The following GYG1 variants were observed in gnomAD, a reference collection of about 807,000 sequenced individuals.
GYG1 encodes the protein glycogenin 1.
GYG1 carries 44 observed loss-of-function variants against 41.9 expected under a neutral mutation model. The ratio of observed to expected loss-of-function variants is 1.05; its 90% CI spans 0.83 to 1.35. The LOEUF (loss-of-function observed/expected upper bound fraction) is 1.35. Among genes scored for constraint, GYG1 ranks in the 40% most tolerant of loss-of-function variants. The probability of loss-of-function intolerance (pLI) is 0.00; values close to 1 mark genes in which losing one functional copy is unlikely to be tolerated. For missense variants in GYG1, 429 were observed against 418.9 expected (o/e 1.02, Z -0.21); for synonymous variants, 141 against 158.1 (o/e 0.89, Z 0.81).
Position 149,027,774 on chromosome 3 carries a change from G to GT in GYG1, c.*842dup, listed in dbSNP as rs1319131038. On this transcript the variant is annotated 3_prime_UTR_variant, in exon 8 of 8. Coordinates refer to ENST00000345003, the MANE Select transcript of GYG1 (RefSeq NM_004130.4). ...ATTGGGATATATGCTTTAAAAACTG[G>GT]TATCTATGATTTCAATCTAATTGTT... is the stretch of plus-strand genomic sequence containing the variant. The GT allele has an allele frequency of 6.6e-6, 1 of 152,116 alleles. No homozygotes were observed. Among genetic ancestry groups the GT allele is most frequent in the Non-Finnish European group, 1.5e-5 (1 of 68,036 alleles). The allele number at this position is 152,116 out of a possible 1,614,324, so 9.4% of individuals were successfully genotyped here.
rs1182685087 is a variant in GYG1, at chr3:149,029,054, T to TAAC, written c.*2122_*2124dup. Among the ~76,000 whole-genome samples the TAAC allele has an allele frequency of 2.0e-5, 3 of 152,158 alleles. No homozygotes were observed. Among genetic ancestry groups the TAAC allele is most frequent in the African/African-American group, 7.2e-5 (3 of 41,400 alleles). The stretch of plus-strand genomic sequence containing the variant: ...TCAAATAAGTAGTGAAGGCTATTAT[T>TAAC]AACTTTTGGAATCAGAAAGAATGAC... On this transcript the variant is annotated 3_prime_UTR_variant, in exon 8 of 8. Transcript: ENST00000345003.
intron 5 of GYG1, among the ~76,000 whole-genome samples, chr3:149,013,032 T>TGTGTGTGTGTGTGTGTG (rs61477065): frequency 9.9e-5 from 15 of 150,930 alleles, no homozygotes; most frequent in Middle Eastern, 3.5e-3. Flanking sequence ...TGTGTGTGTG[T>TGTGTGTGTGTGTGTGTG]TTTATAGAGA....
At chr3:148,997,543 G>A (rs1315504767) in intron 4 of GYG1, among the ~76,000 whole-genome samples, 1 of 152,120 alleles carries the variant, frequency 6.6e-6, no homozygotes, top group Admixed American at 6.6e-5. Context: ...GTGATATAGG[G>A]CCTCACATCT....
chr3:149,015,080 C>T (rs1245586313), intron 5 of GYG1, among the ~76,000 whole-genome samples: 1 of 152,014 alleles, frequency 6.6e-6, no homozygotes, highest in African/African-American at 2.4e-5. Flanking sequence ...TCAAATGTGA[C>T]TGTTACAGGT....
intron 5 of GYG1, among the ~76,000 whole-genome samples, chr3:149,013,823 C>T (rs888656519): frequency 3.3e-5 from 5 of 152,178 alleles, no homozygotes; most frequent in Admixed American, 2.6e-4. Flanking sequence ...CTCCACGTAA[C>T]TATTGTTATT....
chr3:149,017,729 A>T (rs1714147503), intron 5 of GYG1, among the ~76,000 whole-genome samples: 1 of 148,958 alleles, frequency 6.7e-6, no homozygotes, highest in African/African-American at 2.5e-5. Flanking sequence ...TCAGCCTCCC[A>T]AGTAGCTGGG....
Position 149,026,447 on chromosome 3 carries a change from T to G in GYG1, c.829-5T>G. 2 of 1,587,582 alleles carry G rather than the reference T, an allele frequency of 1.3e-6. No homozygotes were observed. The highest frequency in any genetic ancestry group is 8.7e-7 in the Non-Finnish European group (1 of 1,155,756). The stretch of plus-strand genomic sequence containing the variant: ...ATCTTACACTTTCTAATGAACTGTT[T>G]GCAGCTTTCAGACTTGGTCTATACA... On this transcript the variant is annotated splice_polypyrimidine_tract_variant and splice_region_variant and intron_variant, in intron 6 of 7. Transcript: ENST00000345003.
chr3:148,991,759 C>A (rs954473687), intron 1 of GYG1, 112 bp downstream of exon 1: 2 of 897,984 alleles, frequency 2.2e-6, no homozygotes, highest in Admixed American at 5.2e-5. Context: ...AGGACGAAAC[C>A]GCCGCAAAGT....
At chr3:149,005,791 T>A (rs1713368173) in intron 4 of GYG1, among the ~76,000 whole-genome samples, 2 of 152,182 alleles carry the variant, frequency 1.3e-5, no homozygotes, top group African/African-American at 4.8e-5. Flanking sequence ...TCCATGCAGT[T>A]GTAAGAAATA....
intron 4 of GYG1, among the ~76,000 whole-genome samples, chr3:149,005,223 AG>A (rs1442788620): frequency 6.6e-6 from 1 of 152,136 alleles, no homozygotes; most frequent in Non-Finnish European, 1.5e-5. Context: ...TTAAAAGTAA[AG>A]AGTATTTAGA....
At chr3:149,001,176 C>T (rs1713074073) in intron 4 of GYG1, 1 of 152,186 alleles carries the variant, frequency 6.6e-6, no homozygotes, top group South Asian at 2.1e-4. Flanking sequence ...GGTTCCCTGA[C>T]TTGATAGGTC....
chr3:149,016,260 C>CAAAA (rs369746026), intron 5 of GYG1, among the ~76,000 whole-genome samples: 45 of 69,972 alleles, frequency 6.4e-4, no homozygotes, highest in Admixed American at 1.0e-3. Flanking sequence ...GACTCCGTCT[C>CAAAA]AAAAAAAAAA....
Position 148,991,620 on chromosome 3 carries a change from G to C in GYG1, c.-21G>C. The C allele has an allele frequency of 6.4e-7, 1 of 1,553,178 alleles. No homozygotes were observed. The highest frequency in any genetic ancestry group is 8.6e-7 in the Non-Finnish European group (1 of 1,158,406). ...TCACCAACCTGAGGCTGCCCCGGCCGCCTGCGCACCCGGCAGCACCATGAC... is the reference window on the plus strand; with the variant it reads ...TCACCAACCTGAGGCTGCCCCGGCCCCCTGCGCACCCGGCAGCACCATGAC... On this transcript the variant is annotated 5_prime_UTR_variant, in exon 1 of 8. Coordinates refer to ENST00000345003, the MANE Select transcript of GYG1 (RefSeq NM_004130.4).
chr3:149,026,408 TC>T (rs770635991), intron 6 of GYG1, 43 bp from the exon 7 acceptor site: 1 of 1,203,126 alleles, frequency 8.3e-7, no homozygotes, highest in South Asian at 1.2e-5. Context: ...AGACTTGTGT[TC>T]CCTTGCCCAT....
chr3:148,997,749 C>G (rs1237666884), intron 4 of GYG1, among the ~76,000 whole-genome samples: 1 of 152,230 alleles, frequency 6.6e-6, no homozygotes, highest in East Asian at 1.9e-4. Context: ...GGAGGACATT[C>G]TCTTAGAAGC....
chr3:149,007,777 G>A (rs564810476), intron 4 of GYG1, among the ~76,000 whole-genome samples: 10 of 152,268 alleles, frequency 6.6e-5, no homozygotes, highest in African/African-American at 2.4e-4. Flanking sequence ...GCAGGTGTCT[G>A]CCTGCCTGCC....
intron 4 of GYG1, chr3:149,007,959 C>A (rs1467802786): frequency 6.6e-6 from 1 of 152,178 alleles, no homozygotes; most frequent in African/African-American, 2.4e-5. Context: ...GTTTTTATTT[C>A]TTTTGAATGA....
intron 1 of GYG1, 66 bp downstream of exon 1, chr3:148,991,713 C>T (rs1712480383): frequency 1.6e-6 from 2 of 1,260,480 alleles, no homozygotes; most frequent in African/African-American, 1.5e-5. Context: ...CGCCGCCTCC[C>T]TTCTCCTCCG....
intron 5 of GYG1, among the ~76,000 whole-genome samples, chr3:149,018,551 C>T (rs1714193453): frequency 6.6e-6 from 1 of 152,140 alleles, no homozygotes; most frequent in Non-Finnish European, 1.5e-5. Flanking sequence ...TCTCACCCTC[C>T]TATCCAAGCC....
Sources: allele counts gnomAD v4.1 joint callset (sites outside exome capture counted in the v4.1 genomes callset), GRCh38; gene constraint gnomAD v4.1.1; transcripts MANE v1.5; gene names NCBI Gene and HGNC (gene_info 2026-07-23, HGNC 2026-07-21).